Variants in DDX31 observed in about 807,000 individuals in gnomAD.
The protein encoded by DDX31 is DEAD-box helicase 31, also known as ATP-dependent DNA helicase DDX31.
A neutral mutation model predicts 91.3 loss-of-function variants in DDX31; 70 were observed. That is an observed-to-expected ratio of 0.77 (90% CI 0.63 to 0.94). DDX31 has a LOEUF of 0.94. Among genes scored for constraint, DDX31 ranks in the 40% least tolerant of loss-of-function variants. The pLI is 0.00. For synonymous variants in DDX31, 362 were observed against 350.6 expected (o/e 1.03, Z -0.36); for missense variants, 902 against 925.0 (o/e 0.98, Z 0.32).
chr9:132,646,847 C>T lies in DDX31; in HGVS notation c.1179G>A (p.Ala393=), dbSNP rs1403309335. 6.8e-6 allele frequency: 11 copies of T among 1,613,890 alleles called. No individual in the cohort carries two copies. In the East Asian group the frequency reaches 8.9e-5, roughly 13 times the overall value. ...VPSKLRLVCL[A]AFILQKCKFE... is the part of the protein sequence containing the mutation. ...CCTTGCATTTCTGAAGGATGAAGGCCGCTAGGCAGACAAGCCTCAGTTTGC... is the reference window on the plus strand; with the variant it reads ...CCTTGCATTTCTGAAGGATGAAGGCTGCTAGGCAGACAAGCCTCAGTTTGC... Residue 393 remains alanine, a synonymous_variant, in exon 12 of 20, where the codon GCG becomes GCA. Coordinates refer to ENST00000372159, the MANE Select transcript of DDX31 (RefSeq NM_022779.9).
chr9:132,622,025 TA>T (rs1832062362), intron 17 of DDX31, among the ~76,000 whole-genome samples: 1 of 150,374 alleles, frequency 6.7e-6, no homozygotes, highest in African/African-American at 2.5e-5. Flanking sequence ...CACCAAACCT[TA>T]AAAATATCCA....
rs3739903 is a variant in DDX31 at position 132,652,040 on chromosome 9, A to G, written c.633+408T>C. Among the ~76,000 whole-genome samples the G allele has an allele frequency of 5.3e-5, 8 of 152,352 alleles. No homozygotes were observed. In the East Asian group the frequency reaches 1.5e-3, roughly 29 times the overall value. On this transcript the variant is annotated intron_variant, in intron 7 of 19. Coordinates refer to ENST00000372159, the MANE Select transcript of DDX31 (RefSeq NM_022779.9). ...CCACCAAGAAAGAAAAAAATATTGA[A>G]AAGTTTAACTTTTAGGAACAAGTAA... is the stretch of plus-strand genomic sequence containing the variant.
intron 19 of DDX31, among the ~76,000 whole-genome samples, chr9:132,599,009 T>A (rs1392572577): frequency 6.6e-6 from 1 of 152,188 alleles, no homozygotes; most frequent in Non-Finnish European, 1.5e-5. Flanking sequence ...GCAGGCTCTG[T>A]GTGAAAAGCA....
chr9:132,627,453 A>G (rs759109944), intron 16 of DDX31, among the ~76,000 whole-genome samples: 1 of 152,220 alleles, frequency 6.6e-6, no homozygotes, highest in Non-Finnish European at 1.5e-5. Flanking sequence ...TTATGGGTCC[A>G]TCAACAGATC....
chr9:132,632,262 A>ACACACACACAGTCCTG (rs1832820248), intron 14 of DDX31, among the ~76,000 whole-genome samples, 171 bp from the exon 15 acceptor site: 1 of 130,436 alleles, frequency 7.7e-6, no homozygotes, highest in Non-Finnish European at 1.5e-5. Flanking sequence ...ACACACACAC[A>ACACACACACAGTCCTG]CACACACACA....
At chr9:132,655,983 C>A (rs1027389964) in intron 6 of DDX31, among the ~76,000 whole-genome samples, 4 of 152,126 alleles carry the variant, frequency 2.6e-5, no homozygotes, top group African/African-American at 9.7e-5. Flanking sequence ...CAGCAACGTG[C>A]CGCTGTGTGA....
At chr9:132,609,246 G>C (rs532400983) in intron 19 of DDX31, among the ~76,000 whole-genome samples, 5 of 152,286 alleles carry the variant, frequency 3.3e-5, no homozygotes, top group African/African-American at 1.2e-4. Flanking sequence ...GACATCAAAG[G>C]CTGCCCCATA....
At chr9:132,660,598 C>G (rs749146018) in intron 4 of DDX31, among the ~76,000 whole-genome samples, 3 of 152,096 alleles carry the variant, frequency 2.0e-5, no homozygotes, top group African/African-American at 7.2e-5. Context: ...AAAAGAGACA[C>G]AAAAATCACT....
At chr9:132,607,967 T>C (rs1831115555) in intron 19 of DDX31, among the ~76,000 whole-genome samples, 1 of 152,208 alleles carries the variant, frequency 6.6e-6, no homozygotes, top group Non-Finnish European at 1.5e-5. Context: ...TGTGACGACC[T>C]AGACAGATAG....
chr9:132,614,835 C>T (rs983376039), intron 18 of DDX31, among the ~76,000 whole-genome samples: 4 of 152,196 alleles, frequency 2.6e-5, no homozygotes, highest in African/African-American at 9.7e-5. Context: ...CATATTTTTA[C>T]TAAACCTCCT....
intron 19 of DDX31, among the ~76,000 whole-genome samples, chr9:132,598,109 GAGA>G (rs1198899880): frequency 1.3e-5 from 2 of 152,114 alleles, no homozygotes; most frequent in African/African-American, 4.8e-5. Context: ...CCTTAGGTGG[GAGA>G]AGCTCAGGCC....
At chr9:132,660,739 A>C (rs1834881910) in intron 4 of DDX31, among the ~76,000 whole-genome samples, 4 of 152,210 alleles carry the variant, frequency 2.6e-5, no homozygotes, top group Non-Finnish European at 5.9e-5. Context: ...AAAACAAGGA[A>C]GCTCATCTCC....
In DDX31 at chr9:132,632,102, G is replaced by T; in HGVS notation, c.1441-11C>A. On this transcript the variant is annotated splice_polypyrimidine_tract_variant and intron_variant, in intron 14 of 19. Transcript: ENST00000372159. ...CCGAGCTGCAACATCCTTTAACAAA[G>T]AAAAGAATATGGTTTAACACTGAGT... 6.2e-7 allele frequency: 1 copy of T among 1,611,930 alleles called. No homozygotes were observed. The highest frequency in any genetic ancestry group is 8.5e-7 in the Non-Finnish European group (1 of 1,178,746).
At chr9:132,657,646 T>A (rs1834655696) in intron 6 of DDX31, among the ~76,000 whole-genome samples, 1 of 152,220 alleles carries the variant, frequency 6.6e-6, no homozygotes, top group Non-Finnish European at 1.5e-5. Flanking sequence ...ATATCCAAAC[T>A]GAGAAAAACA....
intron 18 of DDX31, among the ~76,000 whole-genome samples, chr9:132,613,676 A>G (rs1215571691): frequency 1.3e-5 from 2 of 152,224 alleles, no homozygotes; most frequent in Non-Finnish European, 2.9e-5. Flanking sequence ...CCTGGGCAAC[A>G]AGAGCAAAAC....
At chr9:132,663,058 C>T (rs989433159) in intron 1 of DDX31, among the ~76,000 whole-genome samples, 5 of 151,984 alleles carry the variant, frequency 3.3e-5, no homozygotes, top group African/African-American at 7.3e-5. Context: ...AAGGGTGTGT[C>T]AATCCATATT....
Position 132,645,893 on chromosome 9 carries a change from A to G in DDX31, c.1380+2T>C. ...TCGCTGCACAGGGAGATCAGTGCTC[A>G]CCTCCTGCTCCATGCCGCCATGCAG... On this transcript the variant is annotated splice_donor_variant, in intron 13 of 19. Coordinates refer to ENST00000372159, the MANE Select transcript of DDX31 (RefSeq NM_022779.9). LOFTEE classifies it high-confidence loss of function. The G allele has an allele frequency of 6.2e-7, 1 of 1,610,228 alleles. No homozygotes were observed. The highest frequency in any genetic ancestry group is 1.1e-5 in the South Asian group (1 of 90,744).
intron 4 of DDX31, 173 bp downstream of exon 4, chr9:132,661,028 CTTTCCAT>C: frequency 1.6e-6 from 1 of 623,638 alleles, no homozygotes; most frequent in Non-Finnish European, 2.8e-6. Context: ...GAAAGCCAGT[CTTTCCAT>C]TTAACAGGTG....
chr9:132,653,302 T>C (rs1264621995), intron 6 of DDX31, among the ~76,000 whole-genome samples: 1 of 151,586 alleles, frequency 6.6e-6, no homozygotes, highest in Non-Finnish European at 1.5e-5. Flanking sequence ...GAGACCAGCC[T>C]GGCCAACATG....
Sources: allele counts gnomAD v4.1 joint callset (sites outside exome capture counted in the v4.1 genomes callset), GRCh38; gene constraint gnomAD v4.1.1; transcripts MANE v1.5; gene names NCBI Gene and HGNC (gene_info 2026-07-23, HGNC 2026-07-21).